NMNAT1: variants seen among roughly 807,000 people sequenced by gnomAD.
NMNAT1 encodes nicotinamide nucleotide adenylyltransferase 1.
A neutral mutation model predicts 16.7 loss-of-function variants in NMNAT1; 11 were observed. The ratio of observed to expected loss-of-function variants is 0.66; its 90% CI spans 0.41 to 1.09. The LOEUF (loss-of-function observed/expected upper bound fraction) is 1.09. Among genes scored for constraint, NMNAT1 ranks in the 50% least tolerant of loss-of-function variants. NMNAT1 has a pLI of 0.00. For missense variants in NMNAT1, 280 were observed against 332.3 expected, an observed-to-expected ratio of 0.84 and a Z score of 1.22; for synonymous variants, 110 against 119.8, an observed-to-expected ratio of 0.92 and a Z score of 0.53.
chr1:9,996,772 G>T, the NMNAT1 span, among the ~76,000 whole-genome samples: 1 of 152,136 alleles, frequency 6.6e-6, no homozygotes, highest in Non-Finnish European at 1.5e-5. Context: ...TCACAGAGAC[G>T]AAGCTGCGGC....
At chr1:9,986,281 A>G (rs1322278974), downstream of NMNAT1, among the ~76,000 whole-genome samples, 2 of 151,596 alleles carry the variant, frequency 1.3e-5, no homozygotes, top group Non-Finnish European at 2.9e-5. Context: ...CATTAACTTC[A>G]AGCATAACAT....
chr1:9,981,670 C>T (rs1641952118), intron 4 of NMNAT1: 1 of 154,828 alleles, frequency 6.5e-6, no homozygotes. Context: ...TATGCCTGGC[C>T]TTTATTTTCA....
downstream of NMNAT1, among the ~76,000 whole-genome samples, chr1:9,988,422 T>C: frequency 6.6e-6 from 1 of 152,126 alleles, no homozygotes; most frequent in Admixed American, 6.6e-5. Context: ...GTACCTTGGC[T>C]GGGTGTGATG....
intron 1 of NMNAT1, among the ~76,000 whole-genome samples, chr1:9,945,919 A>G (rs1640968854): frequency 6.6e-6 from 1 of 151,974 alleles, no homozygotes; most frequent in Non-Finnish European, 1.5e-5. Flanking sequence ...ACATCCGGCT[A>G]GTTTTTGTAT....
chr1:9,945,534 A>T (rs1287397374), intron 1 of NMNAT1, among the ~76,000 whole-genome samples: 1 of 152,192 alleles, frequency 6.6e-6, no homozygotes, highest in East Asian at 1.9e-4. Context: ...CCCTGTCTCT[A>T]CTAAAAATAC....
chr1:9,950,969 A>G lies in NMNAT1; in HGVS notation c.-57+7454A>G, dbSNP rs146151759. 8.7e-3 allele frequency among the ~76,000 whole-genome samples: 1,328 copies of G among 152,184 alleles called. 7 individuals are homozygous for G. Among genetic ancestry groups the G allele is most frequent in the Non-Finnish European group, 0.015 (1,001 of 68,006 alleles). On this transcript the variant is annotated intron_variant, in intron 1 of 4. Transcript: ENST00000377205. ...CCAGGCATAGTGGCACACACCTTTA[A>G]TTCCAGCTACTGGGGAGGCTGAGGC...
chr1:9,973,407 T>G (rs1297071142), intron 2 of NMNAT1, among the ~76,000 whole-genome samples: 4 of 152,066 alleles, frequency 2.6e-5, no homozygotes, highest in Non-Finnish European at 5.9e-5. Context: ...AGCTAAAAGT[T>G]TTCATAAACA....
chr1:9,991,225 A>C, the NMNAT1 span, among the ~76,000 whole-genome samples: 1 of 145,720 alleles, frequency 6.9e-6, no homozygotes, highest in East Asian at 2.0e-4. Flanking sequence ...TTGCCTCTTC[A>C]CCCAGGCTGG....
At chr1:9,972,521 C>G (rs1044209691) in intron 2 of NMNAT1, 2 of 186,092 alleles carry the variant, frequency 1.1e-5, no homozygotes, top group African/African-American at 4.8e-5. Context: ...ACTAGAGAAC[C>G]GGCATGACTG....
At chr1:9,990,976 C>G in the NMNAT1 span, among the ~76,000 whole-genome samples, 1 of 152,098 alleles carries the variant, frequency 6.6e-6, no homozygotes, top group African/African-American at 2.4e-5. Flanking sequence ...CAAGTGGAGT[C>G]TATGTCTACT....
chr1:9,970,788 A>G (rs1458221460), intron 1 of NMNAT1, among the ~76,000 whole-genome samples: 1 of 152,178 alleles, frequency 6.6e-6, no homozygotes, highest in Non-Finnish European at 1.5e-5. Context: ...CTGATATGAA[A>G]AAGAGGTTTG....
At chr1:9,975,827 T>A in intron 3 of NMNAT1, 52 bp downstream of exon 3, 1 of 1,394,310 alleles carries the variant, frequency 7.2e-7, no homozygotes, top group Non-Finnish European at 9.9e-7. Context: ...GCTAAGCGGC[T>A]TATGTTTTTA....
intron 1 of NMNAT1, among the ~76,000 whole-genome samples, chr1:9,958,127 G>A (rs1641308770): frequency 6.6e-6 from 1 of 152,104 alleles, no homozygotes; most frequent in African/African-American, 2.4e-5. Flanking sequence ...GATTGCCCTT[G>A]GTAATAGGGG....
chr1:9,953,700 C>G (rs1261708539), intron 1 of NMNAT1, among the ~76,000 whole-genome samples: 1 of 151,704 alleles, frequency 6.6e-6, no homozygotes, highest in African/African-American at 2.4e-5. Flanking sequence ...CTTGGCCTCC[C>G]AAAGTGCTGG....
At chr1:9,996,780 G>A in the NMNAT1 span, among the ~76,000 whole-genome samples, 187 of 152,176 alleles carry the variant, frequency 1.2e-3, 3 homozygotes, top group Middle Eastern at 0.034. Flanking sequence ...ACGAAGCTGC[G>A]GCGTTACCGA....
chr1:9,982,239 C>G (rs1411878474), intron 4 of NMNAT1, 62 bp from the exon 5 acceptor site: 3 of 1,523,860 alleles, frequency 2.0e-6, no homozygotes, highest in Non-Finnish European at 2.6e-6. Context: ...AACCCCTTTC[C>G]ACTTGGAGGA....
intron 3 of NMNAT1, among the ~76,000 whole-genome samples, chr1:9,976,678 G>A (rs954773156): frequency 6.6e-6 from 1 of 151,854 alleles, no homozygotes; most frequent in Non-Finnish European, 1.5e-5. Flanking sequence ...AGGCTGGAGT[G>A]CAGTGGTGCA....
chr1:9,943,558 TG>T (rs1640877797), intron 1 of NMNAT1, 43 bp downstream of exon 1: 1 of 152,378 alleles, frequency 6.6e-6, no homozygotes, highest in African/African-American at 2.4e-5. Context: ...GGTCGCTTTT[TG>T]TCCTAGATAT....
intron 1 of NMNAT1, among the ~76,000 whole-genome samples, chr1:9,964,431 C>T (rs367985303): frequency 2.0e-5 from 3 of 151,710 alleles, no homozygotes; most frequent in Non-Finnish European, 4.4e-5. Flanking sequence ...CCCAGCTACA[C>T]GAGTAGCTGA....
Sources: allele counts gnomAD v4.1 joint callset (sites outside exome capture counted in the v4.1 genomes callset), GRCh38; gene constraint gnomAD v4.1.1; transcripts MANE v1.5; gene names NCBI Gene and HGNC (gene_info 2026-07-23, HGNC 2026-07-21).